The following ZBTB20 variants were observed in gnomAD, a reference collection of about 807,000 sequenced individuals.
The protein encoded by ZBTB20 is zinc finger and BTB domain containing 20.
ZBTB20 carries 9 observed loss-of-function variants against 56.9 expected under a neutral mutation model. That is an observed-to-expected ratio of 0.16 (90% CI 0.10 to 0.28). The LOEUF (loss-of-function observed/expected upper bound fraction) is 0.28. Among genes scored for constraint, ZBTB20 ranks in the 10% least tolerant of loss-of-function variants. ZBTB20 has a pLI of 1.00. For missense variants in ZBTB20, 655 were observed against 1,003.0 expected (o/e 0.65, Z 4.69); for synonymous variants, 417 against 420.7 (o/e 0.99, Z 0.11).
chr3:114,865,855 C>T (rs991716488), intron 4 of ZBTB20, among the ~76,000 whole-genome samples: 10 of 152,102 alleles, frequency 6.6e-5, no homozygotes, highest in Admixed American at 1.3e-4. Flanking sequence ...GGGAAAGATA[C>T]TATTTCATTT....
At chr3:114,732,006 T>G (rs936492444) in intron 5 of ZBTB20, among the ~76,000 whole-genome samples, 2 of 152,162 alleles carry the variant, frequency 1.3e-5, no homozygotes, top group Non-Finnish European at 1.5e-5. Flanking sequence ...AGATATCAGA[T>G]CACATATTGT....
At chr3:114,542,991 C>A (rs1005240380) in intron 6 of ZBTB20, among the ~76,000 whole-genome samples, 17 of 152,126 alleles carry the variant, frequency 1.1e-4, no homozygotes, top group African/African-American at 3.9e-4. Flanking sequence ...GCAAAAAAAT[C>A]TCATACACAT....
chr3:114,483,663 A>G (rs2041801132), intron 7 of ZBTB20, among the ~76,000 whole-genome samples: 1 of 152,212 alleles, frequency 6.6e-6, no homozygotes, highest in Non-Finnish European at 1.5e-5. Context: ...GACTGAGAAC[A>G]TGAGTCTCTC....
chr3:114,496,026 T>G (rs2043245510), intron 7 of ZBTB20, among the ~76,000 whole-genome samples: 1 of 152,204 alleles, frequency 6.6e-6, no homozygotes, highest in Non-Finnish European at 1.5e-5. Context: ...TGATTTTTTT[T>G]TTTCCTATCC....
At chr3:114,615,130 A>G (rs1252423404) in intron 6 of ZBTB20, among the ~76,000 whole-genome samples, 1 of 152,232 alleles carries the variant, frequency 6.6e-6, no homozygotes, top group Non-Finnish European at 1.5e-5. Context: ...AAATTTAATT[A>G]CAAACTAAGG....
chr3:114,375,457 T>G (rs2083500376), intron 10 of ZBTB20, among the ~76,000 whole-genome samples: 1 of 152,220 alleles, frequency 6.6e-6, no homozygotes. Flanking sequence ...TCCCTATAAC[T>G]TTTACTTTCC....
intron 5 of ZBTB20, among the ~76,000 whole-genome samples, chr3:114,753,453 G>T (rs1435051913): frequency 6.4e-4 from 9 of 14,030 alleles, no homozygotes; most frequent in South Asian, 3.5e-3. Flanking sequence ...TTTTTTTTTT[G>T]AGACAGAGTT....
intron 6 of ZBTB20, among the ~76,000 whole-genome samples, chr3:114,686,229 C>CT (rs1560126363): frequency 6.6e-6 from 1 of 152,142 alleles, no homozygotes; most frequent in Non-Finnish European, 1.5e-5. Context: ...AACAGAAACT[C>CT]TGAGTGGTGA....
At chr3:115,095,619 G>A (rs2083352960) in intron 1 of ZBTB20, among the ~76,000 whole-genome samples, 1 of 152,116 alleles carries the variant, frequency 6.6e-6, no homozygotes, top group South Asian at 2.1e-4. Context: ...GCCCTTGAAT[G>A]CTGTTTCTAA....
In ZBTB20 at chr3:114,886,165, G is replaced by C. The variant is rs12636242; in HGVS notation, c.-417+14139C>G. On this transcript the variant is annotated intron_variant, in intron 4 of 11. Transcript: ENST00000675478. ...CTGCAGTTTGAGAATCAACTTGGGA[G>C]AAATAGAAAAACAGGTGTCTGAGTT... Among the ~76,000 whole-genome samples the C allele has an allele frequency of 5.3e-4, 81 of 152,302 alleles. No homozygotes were observed. The East Asian group carries it at 0.015, about 28-fold the overall frequency.
chr3:114,701,993 CT>C (rs890674041), intron 5 of ZBTB20, among the ~76,000 whole-genome samples: 25 of 152,128 alleles, frequency 1.6e-4, no homozygotes, highest in Non-Finnish European at 2.9e-4. Flanking sequence ...ACAAAAATTC[CT>C]TTGAAGATTT....
chr3:114,475,251 C>T (rs2040610141), intron 7 of ZBTB20, among the ~76,000 whole-genome samples: 1 of 152,034 alleles, frequency 6.6e-6, no homozygotes, highest in African/African-American at 2.4e-5. Context: ...TTTTTCAAAG[C>T]CCAAATCCAG....
chr3:114,696,657 G>A (rs1346329767), intron 5 of ZBTB20, among the ~76,000 whole-genome samples: 1 of 151,978 alleles, frequency 6.6e-6, no homozygotes, highest in Non-Finnish European at 1.5e-5. Context: ...AGTCAGTTAA[G>A]CAAAACCAAA....
At chr3:114,721,430 T>C (rs1307892113) in intron 5 of ZBTB20, among the ~76,000 whole-genome samples, 2 of 152,078 alleles carry the variant, frequency 1.3e-5, no homozygotes, top group South Asian at 2.1e-4. Flanking sequence ...TCAGCAGAAA[T>C]GTACAGGAAA....
intron 4 of ZBTB20, among the ~76,000 whole-genome samples, chr3:114,862,511 G>C (rs1387198972): frequency 6.6e-6 from 1 of 151,952 alleles, no homozygotes. Context: ...AAAATAGTAG[G>C]GTTATTCTTT....
intron 2 of ZBTB20, among the ~76,000 whole-genome samples, chr3:115,069,821 T>C (rs6805723): frequency 0.85 from 128,823 of 151,472 alleles, 55,393 homozygotes; most frequent in Non-Finnish European, 0.9. Flanking sequence ...CATTGCTCTA[T>C]GTACTATACA....
chr3:114,699,719 G>T (rs918612451), intron 5 of ZBTB20, among the ~76,000 whole-genome samples: 1 of 151,848 alleles, frequency 6.6e-6, no homozygotes, highest in Non-Finnish European at 1.5e-5. Flanking sequence ...TAATGTAATC[G>T]GATTCAGCAA....
chr3:115,028,812 T>C (rs2080536394), intron 2 of ZBTB20, among the ~76,000 whole-genome samples: 1 of 150,714 alleles, frequency 6.6e-6, no homozygotes, highest in Non-Finnish European at 1.5e-5. Flanking sequence ...TAATAAACTA[T>C]GATGAAACTC....
rs530488761 is a variant in ZBTB20, at chr3:114,676,796, G to A, written c.-295+16732C>T. ...ATTTTTTTTTTTTTTTTTTTTTGGA[G>A]ATGGAGTGTCACTCTGTCGCCAGGC... On this transcript the variant is annotated intron_variant, in intron 6 of 11. Coordinates refer to ENST00000675478, the MANE Select transcript of ZBTB20 (RefSeq NM_001348800.3). 3.6e-5 allele frequency among the ~76,000 whole-genome samples: 5 copies of A among 137,434 alleles called. No individual in the cohort carries two copies. The Admixed American group carries it at 3.7e-4, about 10-fold the overall frequency. 90.2% of individuals were successfully genotyped at this position (137,434 alleles called of 152,430 possible).
Sources: allele counts gnomAD v4.1 joint callset (sites outside exome capture counted in the v4.1 genomes callset), GRCh38; gene constraint gnomAD v4.1.1; transcripts MANE v1.5; gene names NCBI Gene and HGNC (gene_info 2026-07-23, HGNC 2026-07-21).